CEP131: variants seen among roughly 807,000 people sequenced by gnomAD.
CEP131 encodes centrosomal protein of 131 kDa.
Under a neutral mutation model 136.8 loss-of-function variants are expected in CEP131, and 99 were observed. The observed-to-expected ratio is 0.72, with a 90% CI of 0.62 to 0.86. The LOEUF (loss-of-function observed/expected upper bound fraction) is 0.86, where lower values mean the gene tolerates loss of function less well. Among genes scored for constraint, CEP131 ranks in the 40% least tolerant of loss-of-function variants. The probability of loss-of-function intolerance (pLI) is 0.00; values close to 1 mark genes in which losing one functional copy is unlikely to be tolerated. For missense variants in CEP131, 1,459 were observed against 1,463.0 expected, an observed-to-expected ratio of 1.00 and a Z score of 0.04; for synonymous variants, 646 against 612.7, an observed-to-expected ratio of 1.05 and a Z score of -0.80.
chr17:81,197,018 A>G lies in CEP131; in HGVS notation c.1685T>C (p.Leu562Pro). ...VPEAGPGPLE[L>P]GSEVSTSVMR... ...CACAGACGTGCTCACCTCGGACCCC[A>G]GCTCCAGGGGCCCCGGCCCCGCCTC... The change falls in exon 14 of 26, where the codon CTG becomes CCG. Residue 562 changes from leucine to proline, a missense_variant. Leu to Pro is a moderately conservative substitution (Grantham distance 98). This residue lies in a region of CEP131 where 1,026 missense variants were observed against 964.2 expected (regional missense o/e 1.06). Transcript: ENST00000450824. The G allele has an allele frequency of 6.3e-7, 1 of 1,595,824 alleles. No individual in the cohort carries two copies. Among genetic ancestry groups the G allele is most frequent in the Non-Finnish European group, 8.5e-7 (1 of 1,171,404 alleles).
chr17:81,210,988 C>T (rs1008102237), intron 2 of CEP131, among the ~76,000 whole-genome samples: 1 of 152,108 alleles, frequency 6.6e-6, no homozygotes, highest in Non-Finnish European at 1.5e-5. Context: ...GCAGCAGAGC[C>T]GGTTAAAGGA....
chr17:81,206,943 C>T (rs886224434), intron 4 of CEP131, 72 bp from the exon 5 acceptor site: 1 of 1,564,938 alleles, frequency 6.4e-7, no homozygotes, highest in African/African-American at 1.4e-5. Flanking sequence ...GCCTCTCCCA[C>T]AAACGGGAGG....
rs545616392 is a variant in CEP131 at position 81,191,987 on chromosome 17, C to T, written c.2622+331G>A. Among the ~76,000 whole-genome samples, 8 of 152,238 alleles carry T rather than the reference C, an allele frequency of 5.3e-5. No homozygotes were observed. In the South Asian group the frequency reaches 1.5e-3, roughly 28 times the overall value. The stretch of plus-strand genomic sequence containing the variant: ...GGCTAAGGGGGGAGCCCCTGTTGTG[C>T]GTGTCCCTCTCGGTACATCTGAGTG... On this transcript the variant is annotated intron_variant, in intron 21 of 25. Coordinates refer to ENST00000450824, the MANE Select transcript of CEP131 (RefSeq NM_014984.4).
intron 22 of CEP131, 27 bp downstream of exon 22, chr17:81,191,166 G>A: frequency 1.2e-6 from 2 of 1,610,586 alleles, no homozygotes; most frequent in Non-Finnish European, 1.7e-6. Flanking sequence ...CTCCCCAGCT[G>A]GTGACCCAGC....
At chr17:81,198,428 G>A (rs1026627945) in intron 11 of CEP131, 131 bp from the exon 12 acceptor site, 48 of 969,098 alleles carry the variant, frequency 5.0e-5, no homozygotes, top group Non-Finnish European at 6.9e-5. Flanking sequence ...GCCCCAGGAA[G>A]GTGAGGCCAG....
intron 24 of CEP131, among the ~76,000 whole-genome samples, chr17:81,190,407 C>T (rs939216869): frequency 6.6e-6 from 1 of 152,204 alleles, no homozygotes; most frequent in African/African-American, 2.4e-5. Context: ...CCGACCCACT[C>T]GGGTGCCCCA....
chr17:81,208,454 C>A lies in CEP131; in HGVS notation c.272+474G>T, dbSNP rs74437696. Among the ~76,000 whole-genome samples, 1,016 of 152,334 alleles carry A rather than the reference C, an allele frequency of 6.7e-3. 9 individuals are homozygous for A. The highest frequency in any genetic ancestry group is 0.017 in the African/African-American group (713 of 41,580). On this transcript the variant is annotated intron_variant, in intron 3 of 25. Coordinates refer to ENST00000450824, the MANE Select transcript of CEP131 (RefSeq NM_014984.4). This position sits in a 1 kb window ranked among gnomAD's most constrained non-coding sequence, Gnocchi z 5.6. ...ACCACCGGCTCCACTCCCCACAACA[C>A]CCCCACTGGGGCCATTGAGGCAGCT...
At chr17:81,218,020 TC>T (rs1567884258) in intron 2 of CEP131, among the ~76,000 whole-genome samples, 1 of 136,160 alleles carries the variant, frequency 7.3e-6, no homozygotes, top group African/African-American at 2.8e-5. Flanking sequence ...TCCCTCTCCC[TC>T]CCCCTCCCCC....
chr17:81,212,576 G>A (rs1429049117), intron 2 of CEP131, among the ~76,000 whole-genome samples: 3 of 150,470 alleles, frequency 2.0e-5, no homozygotes, highest in African/African-American at 7.3e-5. Flanking sequence ...AGGAGCCGTG[G>A]GCAGGAGTGG....
At chr17:81,213,143 T>A (rs1249492215) in intron 2 of CEP131, among the ~76,000 whole-genome samples, 1 of 152,208 alleles carries the variant, frequency 6.6e-6, no homozygotes, top group Non-Finnish European at 1.5e-5. Context: ...AGGAGCCACC[T>A]GAAAGTTCCC....
intron 2 of CEP131, among the ~76,000 whole-genome samples, chr17:81,210,909 T>C (rs2062118276): frequency 6.6e-6 from 1 of 151,032 alleles, no homozygotes; most frequent in Non-Finnish European, 1.5e-5. Context: ...GTTACGGGCA[T>C]TTCCTGGTCA....
chr17:81,218,918 C>T (rs1222475493), intron 2 of CEP131, among the ~76,000 whole-genome samples: 2 of 152,250 alleles, frequency 1.3e-5, no homozygotes, highest in African/African-American at 2.4e-5. Flanking sequence ...TTGCCTGGCA[C>T]GGACCTCAGG....
intron 10 of CEP131, 84 bp downstream of exon 10, chr17:81,199,296 GC>G: frequency 7.1e-7 from 1 of 1,415,606 alleles, no homozygotes. Context: ...AGCACAGGAG[GC>G]CGAGAGGAGG....
intron 5 of CEP131, among the ~76,000 whole-genome samples, chr17:81,204,864 CG>C (rs1239702814): frequency 6.6e-5 from 10 of 152,028 alleles, no homozygotes; most frequent in African/African-American, 2.4e-4. Context: ...GTTCTTGGAG[CG>C]CGGCTCATCT....
At position 81,203,398 on chromosome 17, in the gene CEP131, G is replaced by A. The variant is rs931043357; in HGVS notation, c.629+96C>T. 6.2e-5 allele frequency: 59 copies of A among 955,026 alleles called. No individual in the cohort carries two copies. Among genetic ancestry groups the A allele is most frequent in the African/African-American group, 5.7e-4 (35 of 61,746 alleles). 59.2% of individuals were successfully genotyped at this position (955,026 alleles called of 1,614,324 possible). On this transcript the variant is annotated intron_variant, in intron 6 of 25. Transcript: ENST00000450824. The surrounding 1 kb of genome is among the most constrained non-coding windows in gnomAD (Gnocchi z 4.6). ...AGGTAGAACCCTGTGTGAACTGACC[G>A]CGTGCCCTGACCGAGGTCGGACCCC...
chr17:81,211,128 C>T (rs181831093), intron 2 of CEP131, among the ~76,000 whole-genome samples: 1 of 152,194 alleles, frequency 6.6e-6, no homozygotes, highest in East Asian at 1.9e-4. Context: ...CAGTGACTAC[C>T]AGAGAGCAAA....
intron 2 of CEP131, among the ~76,000 whole-genome samples, chr17:81,209,418 G>C (rs1186572105): frequency 2.0e-5 from 3 of 152,240 alleles, no homozygotes; most frequent in African/African-American, 7.2e-5. Context: ...GGCACCCAGA[G>C]CGACTCTGTG....
chr17:81,199,441 G>A lies in CEP131; in HGVS notation c.1132C>T (p.Gln378Ter). 6.2e-7 allele frequency: 1 copy of A among 1,607,894 alleles called. No individual in the cohort carries two copies. The highest frequency in any genetic ancestry group is 8.5e-7 in the Non-Finnish European group (1 of 1,177,938). The change falls in exon 10 of 26, where the codon CAG (glutamine) becomes TAG (stop). Residue 378 changes from glutamine (Q) to a stop codon, truncating the protein, a stop_gained. Transcript: ENST00000450824. LOFTEE classifies it high-confidence loss of function. ...CCGCCTGGTGTGGGGGACAGCTCCT[G>A]AGCAGGCTGCCGCATTCCTGGCACT... is the stretch of plus-strand genomic sequence containing the variant. ...TRVPGMRQPA[Q>*]ELSPTPGGTA... is the part of the protein sequence containing the mutation.
chr17:81,191,069 CCGTA>C lies in CEP131; in HGVS notation c.2777_2780del (p.Leu926TrpfsTer25). ...CGGAGAGCTCGGCCTCGTACTTGTCCCGTAAGCGCTTGATGCTGGAGGTGGGGGG... is the reference window on the plus strand; with the variant it reads ...CGGAGAGCTCGGCCTCGTACTTGTCCAGCGCTTGATGCTGGAGGTGGGGGG... On this transcript the variant is annotated frameshift_variant, in exon 23 of 26. Coordinates refer to ENST00000450824, the MANE Select transcript of CEP131 (RefSeq NM_014984.4). LOFTEE classifies it high-confidence loss of function. The C allele has an allele frequency of 6.2e-7, 1 of 1,605,158 alleles. No homozygotes were observed. Among genetic ancestry groups the C allele is most frequent in the Non-Finnish European group, 8.5e-7 (1 of 1,175,440 alleles).
Sources: gnomAD v4.1 joint callset for allele counts (sites outside exome capture counted in the v4.1 genomes callset) on GRCh38, gnomAD v4.1.1 for gene constraint, gnomAD v4.1.1 regional missense constraint, Gnocchi (gnomAD v3.1) non-coding constraint, MANE v1.5 for transcripts, NCBI Gene and HGNC (gene_info 2026-07-23, HGNC 2026-07-21) for gene names.